The following DHRSX variants were observed in gnomAD, a reference collection of about 807,000 sequenced individuals.
DHRSX encodes polyprenol dehydrogenase.
In DHRSX, 31 loss-of-function variants were observed where a neutral mutation model predicts 34.0. The ratio of observed to expected loss-of-function variants is 0.91; its 90% CI spans 0.69 to 1.23. The LOEUF (loss-of-function observed/expected upper bound fraction) is 1.23. DHRSX is among the 50% of genes most tolerant of loss of function. DHRSX has a pLI of 0.00. For missense variants in DHRSX, 414 were observed against 428.1 expected, an observed-to-expected ratio of 0.97 and a Z score of 0.29; for synonymous variants, 201 against 183.8, an observed-to-expected ratio of 1.09 and a Z score of -0.76.
At chrX:2,326,972 C>T (rs772772975) in intron 3 of DHRSX, among the ~76,000 whole-genome samples, 5 of 152,072 alleles carry the variant, frequency 3.3e-5, no homozygotes, top group Admixed American at 2.0e-4. Flanking sequence ...CCACCATGCC[C>T]GGCTAATTTT....
At chrX:2,463,977 C>T (rs1479942811) in intron 1 of DHRSX, among the ~76,000 whole-genome samples, 2 of 152,296 alleles carry the variant, frequency 1.3e-5, no homozygotes, top group East Asian at 1.9e-4. Flanking sequence ...AGGACCACTG[C>T]TGTGTACACA....
intron 3 of DHRSX, among the ~76,000 whole-genome samples, chrX:2,373,652 T>TTG (rs1391871253): frequency 1.3e-5 from 2 of 151,808 alleles, no homozygotes; most frequent in Non-Finnish European, 2.9e-5. Context: ...GGGGAAGGGG[T>TTG]TGTTGTATCT....
intron 2 of DHRSX, 110 bp downstream of exon 2, chrX:2,425,087 C>A: frequency 2.5e-6 from 2 of 809,764 alleles, no homozygotes; most frequent in East Asian, 2.5e-5. Flanking sequence ...CTGCAGTGAG[C>A]CAAGATTGCA....
intron 6 of DHRSX, among the ~76,000 whole-genome samples, chrX:2,230,785 A>T (rs901430520): frequency 5.3e-5 from 8 of 152,146 alleles, no homozygotes; most frequent in Non-Finnish European, 1.0e-4. Flanking sequence ...GCAATGTCAA[A>T]TCTTGGCCAG....
chrX:2,363,107 G>T (rs868466558), intron 3 of DHRSX, among the ~76,000 whole-genome samples: 141 of 112,042 alleles, frequency 1.3e-3, no homozygotes, highest in African/African-American at 4.3e-3. Flanking sequence ...GTATCATGCC[G>T]CCATTTTATC....
At chrX:2,314,336 G>GGGAGGGAAGGAGGGAGGC (rs2042206137) in intron 3 of DHRSX, among the ~76,000 whole-genome samples, 1 of 2,832 alleles carries the variant, frequency 3.5e-4, no homozygotes. Context: ...AGGAGGGAGG[G>GGGAGGGAAGGAGGGAGGC]AGGGAAAGGA....
chrX:2,315,948 G>A (rs142941901), intron 3 of DHRSX, among the ~76,000 whole-genome samples: 5,022 of 152,106 alleles, frequency 0.033, 234 homozygotes, highest in African/African-American at 0.099. Flanking sequence ...TGCAACCTCC[G>A]CCTCCCAAGA....
At position 2,467,062 on chromosome X, in the gene DHRSX, T is replaced by C. The variant is rs776542015; in HGVS notation, c.109+33755A>G. On this transcript the variant is annotated intron_variant, in intron 1 of 6. Coordinates refer to ENST00000334651, the MANE Select transcript of DHRSX (RefSeq NM_145177.3). ...CCTGGGAGACAAGAGCAAAAGTCCA[T>C]CTCAAAAAAAAAAAAAAAAACGCTA... Among the ~76,000 whole-genome samples the C allele has an allele frequency of 3.2e-5, 4 of 123,376 alleles. No homozygotes were observed. The East Asian group carries it at 6.8e-4, about 21-fold the overall frequency. 80.9% of individuals were successfully genotyped at this position (123,376 alleles called of 152,430 possible).
intron 3 of DHRSX, among the ~76,000 whole-genome samples, chrX:2,398,772 C>A (rs1480310172): frequency 6.6e-6 from 1 of 150,702 alleles, no homozygotes; most frequent in Non-Finnish European, 1.5e-5. Context: ...CAGGTTCAAG[C>A]AATTCTCCTG....
rs143622671 is a variant in DHRSX at position 2,258,104 on chromosome X, G to C, written c.596+8636C>G. 3.3e-3 allele frequency among the ~76,000 whole-genome samples: 498 copies of C among 151,666 alleles called. 2 individuals carry two copies. The highest frequency in any genetic ancestry group is 0.011 in the African/African-American group (448 of 41,336). ...ATCTCCAAGCCCAGGAGAGAGGCCT[G>C]AGGAGGAACCAGCCCTGCTCACACC... is the stretch of plus-strand genomic sequence containing the variant. On this transcript the variant is annotated intron_variant, in intron 5 of 6. Coordinates refer to ENST00000334651, the MANE Select transcript of DHRSX (RefSeq NM_145177.3).
chrX:2,294,021 T>A (rs2041898607), intron 3 of DHRSX, among the ~76,000 whole-genome samples: 3 of 146,498 alleles, frequency 2.0e-5, no homozygotes, highest in African/African-American at 5.1e-5. Flanking sequence ...AGAGATGGAG[T>A]GTAAGAATGA....
chrX:2,267,455 G>A (rs2041490272), intron 4 of DHRSX, among the ~76,000 whole-genome samples: 1 of 151,134 alleles, frequency 6.6e-6, no homozygotes, highest in South Asian at 2.1e-4. Context: ...TGAGGCAGGA[G>A]AATTGCTTGA....
chrX:2,345,341 C>T (rs2042691644), intron 3 of DHRSX, among the ~76,000 whole-genome samples: 1 of 151,756 alleles, frequency 6.6e-6, no homozygotes, highest in East Asian at 1.9e-4. Flanking sequence ...AGTTGAAGGT[C>T]ATAATAGAAC....
intron 3 of DHRSX, among the ~76,000 whole-genome samples, chrX:2,344,646 T>G (rs1313957984): frequency 6.6e-6 from 1 of 151,708 alleles, no homozygotes; most frequent in Non-Finnish European, 1.5e-5. Context: ...TTCTCACTCA[T>G]AAGTGAGAGT....
intron 1 of DHRSX, among the ~76,000 whole-genome samples, chrX:2,447,922 C>T (rs757620289): frequency 1.3e-5 from 2 of 148,812 alleles, no homozygotes; most frequent in Non-Finnish European, 3.0e-5. Flanking sequence ...AGGCCAGGAG[C>T]GGTGGCTTAT....
At chrX:2,410,438 T>C (rs924209132) in intron 2 of DHRSX, among the ~76,000 whole-genome samples, 5 of 152,208 alleles carry the variant, frequency 3.3e-5, no homozygotes, top group Non-Finnish European at 5.9e-5. Context: ...ATCTCCATCC[T>C]ACCTGCACCC....
At chrX:2,464,862 T>G (rs1461191413) in intron 1 of DHRSX, among the ~76,000 whole-genome samples, 1 of 151,668 alleles carries the variant, frequency 6.6e-6, no homozygotes, top group Non-Finnish European at 1.5e-5. Flanking sequence ...CACTGAAGAA[T>G]TCCCTAAGCA....
chrX:2,463,335 T>C (rs894997283), intron 1 of DHRSX, among the ~76,000 whole-genome samples: 2 of 151,770 alleles, frequency 1.3e-5, no homozygotes, highest in Non-Finnish European at 2.9e-5. Flanking sequence ...ACAACAACGG[T>C]TGGATCAAGA....
chrX:2,250,470 G>A (rs1285494425), intron 5 of DHRSX, among the ~76,000 whole-genome samples: 1 of 152,124 alleles, frequency 6.6e-6, no homozygotes, highest in Admixed American at 6.6e-5. Flanking sequence ...GCTAAACAAC[G>A]GGTGGATTAC....
Sources: allele counts gnomAD v4.1 joint callset (sites outside exome capture counted in the v4.1 genomes callset), GRCh38; gene constraint gnomAD v4.1.1; transcripts MANE v1.5; gene names NCBI Gene and HGNC (gene_info 2026-07-23, HGNC 2026-07-21).